Variants in AHCTF1 observed in about 807,000 individuals in gnomAD.
AHCTF1 encodes the protein AT-hook containing transcription factor 1.
Under a neutral mutation model 248.4 loss-of-function variants are expected in AHCTF1, and 24 were observed. The ratio of observed to expected loss-of-function variants is 0.10; its 90% confidence interval spans 0.07 to 0.14. The LOEUF (loss-of-function observed/expected upper bound fraction) is 0.14. Ranked by LOEUF, AHCTF1 falls within the 10% of genes least tolerant of loss-of-function variation. The pLI, the probability that AHCTF1 is intolerant of heterozygous loss-of-function variation, is 1.00. For synonymous variants in AHCTF1, 786 were observed against 929.8 expected (o/e 0.85, Z 2.81); for missense variants, 2,206 against 2,636.2 (o/e 0.84, Z 3.57).
In AHCTF1 at chr1:246,903,663, T is replaced by G. The variant is rs77651496; in HGVS notation, c.966+286A>C. On this transcript the variant is annotated intron_variant, in intron 7 of 35. Transcript: ENST00000648844. ...GCCAAGATGGTGAGACCCCCCCCCC[T>G]CCGTCTCTGCTAAATATACAAAAAA... 4.7e-3 allele frequency among the ~76,000 whole-genome samples: 262 copies of G among 55,512 alleles called. 8 individuals carry two copies. The highest frequency in any genetic ancestry group is 0.017 in the African/African-American group (241 of 14,490). 36.4% of individuals were successfully genotyped at this position (55,512 alleles called of 152,430 possible). A position where few individuals can be genotyped will look rare whatever the true frequency, so the allele number is the denominator to read the frequency against.
At position 246,913,365 on chromosome 1, in the gene AHCTF1, G is replaced by A. The variant is rs760949448; in HGVS notation, c.423C>T (p.Ser141=). 1.2e-6 allele frequency: 2 copies of A among 1,613,594 alleles called. No homozygotes were observed. Among genetic ancestry groups the A allele is most frequent in the East Asian group, 2.2e-5 (1 of 44,868 alleles). ...PIINHGGASA[S]TQHLHPSLRW... ...GCAGACTTGGATGTAAATGCTGAGT[G>A]CTTGCACTGGCTCCTCCATGATTAA... Residue 141 remains serine, a synonymous_variant, in exon 4 of 36, where the codon AGC becomes AGT. Coordinates refer to ENST00000648844, the MANE Select transcript of AHCTF1 (RefSeq NM_001323342.2).
intron 33 of AHCTF1, among the ~76,000 whole-genome samples, chr1:246,845,263 A>G (rs971041357): frequency 1.3e-5 from 2 of 152,140 alleles, no homozygotes; most frequent in Non-Finnish European, 2.9e-5. Flanking sequence ...GGTACACAGT[A>G]GGTGTATATA....
chr1:246,899,396 C>T, intron 11 of AHCTF1, 55 bp downstream of exon 11: 1 of 1,388,152 alleles, frequency 7.2e-7, no homozygotes. Flanking sequence ...CATAAATCAA[C>T]TATATTCTAA....
At chr1:246,846,530 G>C (rs1033003497) in intron 33 of AHCTF1, among the ~76,000 whole-genome samples, 3 of 152,002 alleles carry the variant, frequency 2.0e-5, no homozygotes, top group Admixed American at 2.0e-4. Context: ...GCAGAAATGA[G>C]AGATCTCAAT....
At position 246,869,094 on chromosome 1, in the gene AHCTF1, T is replaced by C. The variant is rs1662334229; in HGVS notation, c.3089-1283A>G. 2.0e-5 allele frequency among the ~76,000 whole-genome samples: 3 copies of C among 151,266 alleles called. No homozygotes were observed. In the South Asian group the frequency reaches 6.3e-4, roughly 32 times the overall value. Reference sequence around the variant, plus strand: ...CTCCTGACCTCGTGATCCGCCCGCCTTGGCCTCCCAAAGTGCTGGATTACA... The same window carrying C: ...CTCCTGACCTCGTGATCCGCCCGCCCTGGCCTCCCAAAGTGCTGGATTACA... On this transcript the variant is annotated intron_variant, in intron 24 of 35. Coordinates refer to ENST00000648844, the MANE Select transcript of AHCTF1 (RefSeq NM_001323342.2).
At chr1:246,919,539 C>T (rs1382714468) in intron 1 of AHCTF1, among the ~76,000 whole-genome samples, 3 of 151,818 alleles carry the variant, frequency 2.0e-5, no homozygotes, top group African/African-American at 7.3e-5. Context: ...TGGTGAAAAC[C>T]CGTCTCTACT....
intron 17 of AHCTF1, among the ~76,000 whole-genome samples, chr1:246,889,208 A>G (rs908808757): frequency 3.3e-5 from 5 of 152,182 alleles, no homozygotes; most frequent in African/African-American, 7.2e-5. Context: ...CTTCACTCGA[A>G]TATCTATTGC....
chr1:246,921,519 G>C (rs1390350147), intron 1 of AHCTF1, among the ~76,000 whole-genome samples: 1 of 152,226 alleles, frequency 6.6e-6, no homozygotes, highest in African/African-American at 2.4e-5. Context: ...GGGATGAGTA[G>C]TTTTAAATTA....
chr1:246,930,598 AG>A (rs56224319), intron 1 of AHCTF1, among the ~76,000 whole-genome samples: 7 of 148,610 alleles, frequency 4.7e-5, no homozygotes, highest in African/African-American at 1.0e-4. Context: ...AAAAAAAAAA[AG>A]GGGGGGTCTC....
chr1:246,850,969 T>G lies in AHCTF1; in HGVS notation c.5037A>C (p.Thr1679=). 1 of 1,613,988 alleles carries G rather than the reference T, an allele frequency of 6.2e-7. No individual in the cohort carries two copies. Among genetic ancestry groups the G allele is most frequent in the Non-Finnish European group, 8.5e-7 (1 of 1,179,868 alleles). The part of the protein sequence containing the change: ...AENLLDVIKD[T]RSKEITSDTM... ...TATCTGAAGTAATTTCTTTACTTCT[T>G]GTGTCTTTAATTACATCTAGTAAAT... is the stretch of plus-strand genomic sequence containing the variant. The change falls in exon 33 of 36, where the codon ACA becomes ACC. Residue 1679 remains threonine (T), a synonymous_variant. Coordinates refer to ENST00000648844, the MANE Select transcript of AHCTF1 (RefSeq NM_001323342.2).
chr1:246,923,065 A>G (rs1422031359), intron 1 of AHCTF1, among the ~76,000 whole-genome samples: 1 of 149,410 alleles, frequency 6.7e-6, no homozygotes, highest in Non-Finnish European at 1.5e-5. Context: ...TACTAAATAC[A>G]ACCAAAGGAG....
intron 21 of AHCTF1, among the ~76,000 whole-genome samples, chr1:246,877,679 T>C (rs1161429684): frequency 1.3e-5 from 2 of 152,124 alleles, no homozygotes; most frequent in African/African-American, 4.8e-5. Context: ...CTGAGATCTA[T>C]AGATGGAAAC....
intron 5 of AHCTF1, among the ~76,000 whole-genome samples, 160 bp from the exon 6 acceptor site, chr1:246,905,817 A>T (rs1314539453): frequency 6.6e-6 from 1 of 152,226 alleles, no homozygotes; most frequent in East Asian, 1.9e-4. Flanking sequence ...AAAAATACAC[A>T]CGGCACAAGA....
intron 33 of AHCTF1, among the ~76,000 whole-genome samples, chr1:246,844,798 A>C (rs1040579886): frequency 8.2e-4 from 121 of 147,168 alleles, no homozygotes; most frequent in Admixed American, 3.6e-3. Context: ...AGCATTTACC[A>C]CACAGACTTT....
Position 246,931,251 on chromosome 1 carries a change from G to A in AHCTF1, c.-8+327C>T, listed in dbSNP as rs1344367095. On this transcript the variant is annotated intron_variant, in intron 1 of 35. Coordinates refer to ENST00000648844, the MANE Select transcript of AHCTF1 (RefSeq NM_001323342.2). ...TCGCGTGGGAGAACAGTGGGAAAGG[G>A]TCGCGGCCCCGGCCGTCCGTAAAGG... 4 of 1,549,488 alleles carry A rather than the reference G, an allele frequency of 2.6e-6. No individual in the cohort carries two copies. In the African/African-American group the frequency reaches 4.1e-5, roughly 16 times the overall value.
At chr1:246,842,590 TAAATAA>T (rs1659954095) in intron 35 of AHCTF1, 98 bp downstream of exon 35, 1 of 890,962 alleles carries the variant, frequency 1.1e-6, no homozygotes. Flanking sequence ...TCAAAAAAAA[TAAATAA>T]AAATAAAATA....
chr1:246,870,687 C>T (rs994798690), intron 24 of AHCTF1, among the ~76,000 whole-genome samples: 3 of 147,290 alleles, frequency 2.0e-5, no homozygotes, highest in African/African-American at 7.6e-5. Flanking sequence ...AAATACTGTA[C>T]CCTAAACTTT....
intron 4 of AHCTF1, among the ~76,000 whole-genome samples, chr1:246,908,942 C>T (rs1665590977): frequency 6.6e-6 from 1 of 150,862 alleles, no homozygotes; most frequent in Non-Finnish European, 1.5e-5. Flanking sequence ...AAACAATTAG[C>T]TCAAAGTAAG....
intron 24 of AHCTF1, among the ~76,000 whole-genome samples, chr1:246,871,312 G>T (rs1662578011): frequency 6.6e-6 from 1 of 152,154 alleles, no homozygotes; most frequent in African/African-American, 2.4e-5. Flanking sequence ...ACTGATGGGA[G>T]GATGTTACAA....
Sources: allele counts gnomAD v4.1 joint callset (sites outside exome capture counted in the v4.1 genomes callset), GRCh38; gene constraint gnomAD v4.1.1; transcripts MANE v1.5; gene names NCBI Gene and HGNC (gene_info 2026-07-23, HGNC 2026-07-21).